TBX15: variants seen among roughly 807,000 people sequenced by gnomAD.
The protein encoded by TBX15 is T-box transcription factor 15, also known as T-box transcription factor TBX15.
A neutral mutation model predicts 53.9 loss-of-function variants in TBX15; 18 were observed. The observed-to-expected ratio is 0.33, with a 90% CI of 0.23 to 0.49. The LOEUF (loss-of-function observed/expected upper bound fraction) is 0.49. Among genes scored for constraint, TBX15 ranks in the 20% least tolerant of loss-of-function variants. TBX15 has a pLI of 0.98. For missense variants in TBX15, 692 were observed against 749.5 expected, an observed-to-expected ratio of 0.92 and a Z score of 0.90; for synonymous variants, 295 against 278.0, an observed-to-expected ratio of 1.06 and a Z score of -0.61.
At chr1:118,984,179 G>A (rs1017838543) in intron 1 of TBX15, among the ~76,000 whole-genome samples, 5 of 152,012 alleles carry the variant, frequency 3.3e-5, no homozygotes, top group African/African-American at 9.7e-5. Flanking sequence ...GCGAGAATGC[G>A]AGACCTGCCA....
intron 1 of TBX15, among the ~76,000 whole-genome samples, chr1:118,942,289 G>C (rs1286661560): frequency 6.6e-6 from 1 of 152,226 alleles, no homozygotes; most frequent in Non-Finnish European, 1.5e-5. Context: ...GACCACATCT[G>C]TGTTATTCCT....
chr1:118,987,623 T>G lies in TBX15; in HGVS notation c.173A>C (p.Asp58Ala). Residue 58 changes from aspartate to alanine, a missense_variant, in exon 1 of 8, where the codon GAC becomes GCC. Asp to Ala is a moderately radical substitution (Grantham distance 126, BLOSUM62 -2). Transcript: ENST00000369429. ...SPAGPLGDTE[D>A]AAAHGLEPHP... ...AGGCTCCAGGCCGTGTGCCGCCGCG[T>G]CCTCCGTGTCTCCGAGTGGGCCCGC... The G allele has an allele frequency of 4.5e-6, 7 of 1,549,400 alleles. No individual in the cohort carries two copies. Among genetic ancestry groups the G allele is most frequent in the Non-Finnish European group, 6.1e-6 (7 of 1,146,742 alleles).
chr1:118,971,783 A>G (rs979236828), intron 1 of TBX15, among the ~76,000 whole-genome samples: 2 of 152,258 alleles, frequency 1.3e-5, no homozygotes, highest in East Asian at 1.9e-4. Context: ...CCCCTTGGGT[A>G]TAGGCATCAA....
chr1:118,898,713 A>G (rs1306254194), intron 7 of TBX15, among the ~76,000 whole-genome samples: 1 of 152,184 alleles, frequency 6.6e-6, no homozygotes, highest in East Asian at 1.9e-4. Flanking sequence ...TTATTAAAAA[A>G]ATCTCTTCAA....
At chr1:118,976,095 G>A (rs144172311) in intron 1 of TBX15, among the ~76,000 whole-genome samples, 1 of 152,222 alleles carries the variant, frequency 6.6e-6, no homozygotes, top group East Asian at 1.9e-4. Flanking sequence ...AGTAGTAAAT[G>A]ATCAAATCCA....
rs145162383 is a variant in TBX15 at position 118,898,238 on chromosome 1, A to G, written c.1024+790T>C. Among the ~76,000 whole-genome samples, 13 of 152,278 alleles carry G rather than the reference A, an allele frequency of 8.5e-5. No individual in the cohort carries two copies. In the East Asian group the frequency reaches 1.4e-3, roughly 16 times the overall value. ...TGCTTTTAATCACTACACTCATCTT[A>G]AAACCTGACAGATTTCAGCAATTTA... On this transcript the variant is annotated intron_variant, in intron 7 of 7. Transcript: ENST00000369429.
At chr1:118,901,934 G>T (rs1359746395) in intron 6 of TBX15, among the ~76,000 whole-genome samples, 2 of 152,102 alleles carry the variant, frequency 1.3e-5, no homozygotes, top group Non-Finnish European at 2.9e-5. Context: ...GTCTGTTACA[G>T]CAAGGATCAG....
intron 1 of TBX15, among the ~76,000 whole-genome samples, chr1:118,974,970 T>A (rs1225608237): frequency 6.6e-6 from 1 of 152,212 alleles, no homozygotes; most frequent in Non-Finnish European, 1.5e-5. Flanking sequence ...AATGCACGAA[T>A]TGCCCGTCAT....
At chr1:118,914,017 A>G (rs1655108999) in intron 6 of TBX15, 98 bp downstream of exon 6, 2 of 1,175,280 alleles carry the variant, frequency 1.7e-6, no homozygotes, top group Admixed American at 3.5e-5. Flanking sequence ...CGGAGCATAC[A>G]GGTGTTTTCT....
intron 6 of TBX15, among the ~76,000 whole-genome samples, chr1:118,902,792 C>T (rs1000149776): frequency 6.6e-5 from 10 of 152,116 alleles, no homozygotes; most frequent in Admixed American, 1.3e-4. Flanking sequence ...TTCTTGCCAA[C>T]CACCTATTAA....
At position 118,953,375 on chromosome 1, in the gene TBX15, A is replaced by G. The variant is rs181941456; in HGVS notation, c.206-21543T>C. On this transcript the variant is annotated intron_variant, in intron 1 of 7. Coordinates refer to ENST00000369429, the MANE Select transcript of TBX15 (RefSeq NM_001330677.2). ...TTAAATAGAATCTTGGCGAATTCCA[A>G]CTGCTCCACATCCCCAAGAGAAACA... Among the ~76,000 whole-genome samples, 5 of 152,322 alleles carry G rather than the reference A, an allele frequency of 3.3e-5. No homozygotes were observed. In the East Asian group the frequency reaches 9.6e-4, roughly 29 times the overall value.
intron 1 of TBX15, among the ~76,000 whole-genome samples, chr1:118,979,820 A>C (rs1022911879): frequency 3.9e-5 from 6 of 152,058 alleles, no homozygotes; most frequent in Non-Finnish European, 8.8e-5. Flanking sequence ...CCCCGGGCGC[A>C]CGCGGCGCGA....
intron 1 of TBX15, among the ~76,000 whole-genome samples, chr1:118,938,016 C>T (rs1186893689): frequency 2.0e-5 from 3 of 152,204 alleles, no homozygotes; most frequent in Admixed American, 6.5e-5. Context: ...CAGATTTTAT[C>T]GAGTATCTTA....
At chr1:118,953,367 G>A (rs1007454528) in intron 1 of TBX15, among the ~76,000 whole-genome samples, 8 of 152,146 alleles carry the variant, frequency 5.3e-5, no homozygotes, top group South Asian at 2.1e-4. Flanking sequence ...GAATCTTGGC[G>A]AATTCCAACT....
chr1:118,966,735 G>A (rs1657045341), intron 1 of TBX15, among the ~76,000 whole-genome samples: 1 of 152,192 alleles, frequency 6.6e-6, no homozygotes, highest in African/African-American at 2.4e-5. Context: ...TTGCTTTCCT[G>A]CTTCTAAGAT....
intron 7 of TBX15, 76 bp from the exon 8 acceptor site, chr1:118,885,592 C>T (rs181010117): frequency 6.6e-7 from 1 of 1,525,888 alleles, no homozygotes; most frequent in Admixed American, 2.0e-5. Flanking sequence ...GCAAGCCATA[C>T]AGGAGGTGCC....
chr1:118,893,358 A>AAAG (rs1259103662), intron 7 of TBX15, among the ~76,000 whole-genome samples: 2 of 38,650 alleles, frequency 5.2e-5, no homozygotes, highest in Non-Finnish European at 1.1e-4. Context: ...GGAAGGAAGG[A>AAAG]AAGAAAGAAA....
At chr1:118,908,260 T>A (rs1237388572) in intron 6 of TBX15, among the ~76,000 whole-genome samples, 2 of 152,006 alleles carry the variant, frequency 1.3e-5, no homozygotes, top group Non-Finnish European at 1.5e-5. Context: ...TTATTCTCTA[T>A]TCCTGGCACC....
At chr1:118,956,299 T>G (rs1316028338) in intron 1 of TBX15, among the ~76,000 whole-genome samples, 1 of 152,166 alleles carries the variant, frequency 6.6e-6, no homozygotes, top group South Asian at 2.1e-4. Context: ...TACTGGATAT[T>G]AGGACAAATG....
Sources: allele counts gnomAD v4.1 joint callset (sites outside exome capture counted in the v4.1 genomes callset), GRCh38; gene constraint gnomAD v4.1.1; transcripts MANE v1.5; gene names NCBI Gene and HGNC (gene_info 2026-07-23, HGNC 2026-07-21).